RAB31: variants seen among roughly 807,000 people sequenced by gnomAD.
RAB31 encodes ras-related protein Rab-31.
A neutral mutation model predicts 25.6 loss-of-function variants in RAB31; 21 were observed. The observed-to-expected ratio is 0.82, with a 90% CI of 0.58 to 1.18. The LOEUF (loss-of-function observed/expected upper bound fraction) is 1.18. Among genes scored for constraint, RAB31 ranks in the 50% most tolerant of loss-of-function variants. The pLI, the probability that RAB31 is intolerant of heterozygous loss-of-function variation, is 0.00. For synonymous variants in RAB31, 87 were observed against 84.0 expected, an observed-to-expected ratio of 1.04 and a Z score of -0.20; for missense variants, 196 against 250.1, an observed-to-expected ratio of 0.78 and a Z score of 1.46.
Position 9,822,430 on chromosome 18 carries a change from C to T in RAB31, c.380+7208C>T, listed in dbSNP as rs74819167. 7.8e-3 allele frequency among the ~76,000 whole-genome samples: 1,184 copies of T among 152,076 alleles called. 34 individuals are homozygous for T. The East Asian group carries it at 0.11, about 14-fold the overall frequency. ...GTTCTTAGACTTATCATTAAAAGCA[C>T]GATTCATATAAGGAAATACTGATAA... On this transcript the variant is annotated intron_variant, in intron 5 of 6. Transcript: ENST00000578921.
At chr18:9,713,100 A>G (rs2068026184) in intron 1 of RAB31, among the ~76,000 whole-genome samples, 1 of 152,240 alleles carries the variant, frequency 6.6e-6, no homozygotes, top group South Asian at 2.1e-4. Flanking sequence ...AAGGCAGATC[A>G]TCAGAACTGT....
At chr18:9,831,953 A>G (rs1165030529) in intron 5 of RAB31, among the ~76,000 whole-genome samples, 1 of 152,172 alleles carries the variant, frequency 6.6e-6, no homozygotes, top group East Asian at 1.9e-4. Flanking sequence ...AGCCCTTGGT[A>G]GCCACGGAGG....
At chr18:9,755,198 T>C (rs1348927458) in intron 1 of RAB31, among the ~76,000 whole-genome samples, 1 of 152,204 alleles carries the variant, frequency 6.6e-6, no homozygotes, top group African/African-American at 2.4e-5. Context: ...ACTAATAACA[T>C]GATTAGTGGT....
At chr18:9,816,686 G>A (rs1302571873) in intron 5 of RAB31, among the ~76,000 whole-genome samples, 3 of 152,190 alleles carry the variant, frequency 2.0e-5, no homozygotes, top group Non-Finnish European at 2.9e-5. Flanking sequence ...CAGTACACAT[G>A]AATTAGAGAT....
intron 3 of RAB31, among the ~76,000 whole-genome samples, chr18:9,804,755 G>C (rs1204462729): frequency 6.6e-6 from 1 of 152,220 alleles, no homozygotes; most frequent in African/African-American, 2.4e-5. Context: ...CAGTGAGCAC[G>C]GACCTGTGGT....
chr18:9,847,914 C>A (rs2143140513), intron 6 of RAB31, among the ~76,000 whole-genome samples: 1 of 152,104 alleles, frequency 6.6e-6, no homozygotes, highest in Admixed American at 6.5e-5. Flanking sequence ...GTATAAATCC[C>A]TTCCTGTGTG....
intron 3 of RAB31, among the ~76,000 whole-genome samples, chr18:9,793,802 C>T (rs1332712843): frequency 3.3e-5 from 5 of 152,160 alleles, no homozygotes; most frequent in Admixed American, 6.5e-5. Context: ...TTTCCCTTGT[C>T]TGATCCAAAC....
intron 1 of RAB31, among the ~76,000 whole-genome samples, chr18:9,730,432 A>G (rs1181511944): frequency 6.6e-6 from 1 of 151,978 alleles, no homozygotes; most frequent in Admixed American, 6.6e-5. Flanking sequence ...AATTACAGGC[A>G]TGTGCCACCA....
At chr18:9,768,748 A>G (rs138461668) in intron 1 of RAB31, among the ~76,000 whole-genome samples, 14,586 of 152,074 alleles carry the variant, frequency 0.096, 775 homozygotes, top group South Asian at 0.2. Flanking sequence ...CGCTTTTGGT[A>G]TTTTAGTCAT....
chr18:9,800,603 TTC>T (rs1486108001), intron 3 of RAB31, among the ~76,000 whole-genome samples: 33 of 152,340 alleles, frequency 2.2e-4, no homozygotes, highest in African/African-American at 7.5e-4. Context: ...CCACTCAAGC[TTC>T]TGTCTCTGAG....
chr18:9,790,874 C>T (rs1485960566), intron 2 of RAB31, among the ~76,000 whole-genome samples: 2 of 152,166 alleles, frequency 1.3e-5, no homozygotes, highest in African/African-American at 4.8e-5. Flanking sequence ...GGGATGCTTG[C>T]TATTTTTTAA....
At chr18:9,804,624 G>C (rs2068530712) in intron 3 of RAB31, among the ~76,000 whole-genome samples, 1 of 152,132 alleles carries the variant, frequency 6.6e-6, no homozygotes, top group South Asian at 2.1e-4. Context: ...CAGTAGAAAA[G>C]CCCTATAAAG....
chr18:9,840,331 C>T (rs942501944), intron 5 of RAB31, among the ~76,000 whole-genome samples: 3 of 152,178 alleles, frequency 2.0e-5, no homozygotes, highest in African/African-American at 7.2e-5. Flanking sequence ...TTACCTGTTT[C>T]AACGCCTAGC....
chr18:9,831,464 C>G (rs770342638), intron 5 of RAB31, among the ~76,000 whole-genome samples: 1 of 152,256 alleles, frequency 6.6e-6, no homozygotes, highest in Non-Finnish European at 1.5e-5. Context: ...TAGGACTCCA[C>G]AGGAAACACA....
At chr18:9,718,917 A>G (rs1378803587) in intron 1 of RAB31, among the ~76,000 whole-genome samples, 1 of 151,962 alleles carries the variant, frequency 6.6e-6, no homozygotes, top group East Asian at 1.9e-4. Context: ...CAGGATTTCA[A>G]CATACAAATT....
chr18:9,712,956 A>T (rs2068025408), intron 1 of RAB31, among the ~76,000 whole-genome samples: 1 of 152,242 alleles, frequency 6.6e-6, no homozygotes, highest in Non-Finnish European at 1.5e-5. Context: ...ATTAAAGAGC[A>T]GTCAAATACC....
At chr18:9,710,826 C>T (rs930159773) in intron 1 of RAB31, among the ~76,000 whole-genome samples, 1 of 152,114 alleles carries the variant, frequency 6.6e-6, no homozygotes, top group Non-Finnish European at 1.5e-5. Context: ...CCACTGCACT[C>T]CAGTCCGGGC....
intron 5 of RAB31, among the ~76,000 whole-genome samples, chr18:9,834,483 A>G (rs774088302): frequency 3.9e-5 from 6 of 152,130 alleles, no homozygotes; most frequent in African/African-American, 9.7e-5. Flanking sequence ...CACCTTTCCT[A>G]TAGGCATGTG....
intron 6 of RAB31, among the ~76,000 whole-genome samples, chr18:9,847,590 T>A (rs1406894266): frequency 6.6e-6 from 1 of 152,222 alleles, no homozygotes; most frequent in African/African-American, 2.4e-5. Context: ...TTTCTTTTTT[T>A]TTCTGAGACA....
Sources: gnomAD v4.1 joint callset for allele counts (sites outside exome capture counted in the v4.1 genomes callset) on GRCh38, gnomAD v4.1.1 for gene constraint, MANE v1.5 for transcripts, NCBI Gene and HGNC (gene_info 2026-07-23, HGNC 2026-07-21) for gene names.